The following RASA1 variants were observed in gnomAD, a reference collection of about 807,000 sequenced individuals.
The protein encoded by RASA1 is RAS p21 protein activator 1, also known as ras GTPase-activating protein 1.
Under a neutral mutation model 132.2 loss-of-function variants are expected in RASA1, and 25 were observed. The ratio of observed to expected loss-of-function variants is 0.19; its 90% confidence interval spans 0.14 to 0.26. RASA1 has a LOEUF of 0.26. Ranked by LOEUF, RASA1 falls within the 10% of genes least tolerant of loss-of-function variation. The pLI, the probability that RASA1 is intolerant of heterozygous loss-of-function variation, is 1.00. For synonymous variants in RASA1, 477 were observed against 449.9 expected (o/e 1.06, Z -0.76); for missense variants, 964 against 1,299.2 (o/e 0.74, Z 3.97).
At chr5:87,278,076 C>G (rs1337103690) in intron 1 of RASA1, among the ~76,000 whole-genome samples, 1 of 152,094 alleles carries the variant, frequency 6.6e-6, no homozygotes, top group African/African-American at 2.4e-5. Context: ...ATCTCCCTCA[C>G]CTCTTTTAAG....
At chr5:87,386,412 T>G (rs936735125) in intron 22 of RASA1, among the ~76,000 whole-genome samples, 1 of 152,208 alleles carries the variant, frequency 6.6e-6, no homozygotes, top group African/African-American at 2.4e-5. Context: ...GTCTTTATTA[T>G]ATTGTATTTT....
At chr5:87,375,715 T>C (rs1320778679) in intron 15 of RASA1, among the ~76,000 whole-genome samples, 1 of 152,156 alleles carries the variant, frequency 6.6e-6, no homozygotes, top group Non-Finnish European at 1.5e-5. Context: ...GCTAAAACAG[T>C]TGACAGTGAG....
chr5:87,286,984 A>G (rs889180391), intron 1 of RASA1, among the ~76,000 whole-genome samples: 3 of 149,030 alleles, frequency 2.0e-5, no homozygotes, highest in Non-Finnish European at 4.5e-5. Flanking sequence ...TATATACCAT[A>G]TATACACACC....
At chr5:87,287,454 T>C (rs1029786311) in intron 1 of RASA1, among the ~76,000 whole-genome samples, 3 of 144,364 alleles carry the variant, frequency 2.1e-5, no homozygotes, top group Non-Finnish European at 3.0e-5. Flanking sequence ...ACCATATATA[T>C]ACCATATATA....
At chr5:87,345,619 TAAAGA>T (rs1472013613) in intron 6 of RASA1, among the ~76,000 whole-genome samples, 1 of 152,162 alleles carries the variant, frequency 6.6e-6, no homozygotes, top group Non-Finnish European at 1.5e-5. Context: ...GGAATGGTGT[TAAAGA>T]AAAGTTTACC....
chr5:87,384,227 G>T (rs1240923083), intron 21 of RASA1, among the ~76,000 whole-genome samples: 1 of 152,030 alleles, frequency 6.6e-6, no homozygotes, highest in Non-Finnish European at 1.5e-5. Context: ...GGTTCCTCCC[G>T]TTAGAGATTT....
chr5:87,364,121 A>T (rs1052031182), intron 11 of RASA1, among the ~76,000 whole-genome samples: 9 of 152,092 alleles, frequency 5.9e-5, no homozygotes, highest in Non-Finnish European at 1.2e-4. Flanking sequence ...CAGTCTTTTT[A>T]GATGTACTTA....
chr5:87,291,601 T>G (rs2112268292), intron 1 of RASA1, among the ~76,000 whole-genome samples: 1 of 152,034 alleles, frequency 6.6e-6, no homozygotes, highest in Non-Finnish European at 1.5e-5. Flanking sequence ...GTGAGAGGGG[T>G]TTGGGTCATG....
chr5:87,384,271 A>G (rs751489257), intron 21 of RASA1, among the ~76,000 whole-genome samples: 1 of 152,150 alleles, frequency 6.6e-6, no homozygotes, highest in Non-Finnish European at 1.5e-5. Context: ...TAAATTGGCC[A>G]TTTTAAACTT....
intron 17 of RASA1, among the ~76,000 whole-genome samples, chr5:87,377,537 A>T (rs1372701799): frequency 6.6e-6 from 1 of 152,122 alleles, no homozygotes; most frequent in East Asian, 1.9e-4. Context: ...GGTTTTCACC[A>T]TGTTGGCCAG....
Position 87,328,767 on chromosome 5 carries a change from G to A in RASA1, c.540-2581G>A, listed in dbSNP as rs1348440957. ...TTTATATTTATATAAAAGATTGTGG[G>A]TTAAAAAATGGTTGAGAAATACTGT... On this transcript the variant is annotated intron_variant, in intron 1 of 24. Coordinates refer to ENST00000274376, the MANE Select transcript of RASA1 (RefSeq NM_002890.3). Among the ~76,000 whole-genome samples, 4 of 152,104 alleles carry A rather than the reference G, an allele frequency of 2.6e-5. No homozygotes were observed. In the East Asian group the frequency reaches 5.8e-4, roughly 22 times the overall value.
intron 2 of RASA1, among the ~76,000 whole-genome samples, chr5:87,332,035 A>G (rs937010493): frequency 6.6e-6 from 1 of 152,156 alleles, no homozygotes; most frequent in African/African-American, 2.4e-5. Context: ...TATAGTGTTA[A>G]ATGATAAAAT....
intron 1 of RASA1, among the ~76,000 whole-genome samples, chr5:87,309,746 A>T (rs144454519): frequency 5.3e-5 from 8 of 152,206 alleles, no homozygotes; most frequent in African/African-American, 1.9e-4. Flanking sequence ...AAAGATTATC[A>T]TATATCAGTA....
At chr5:87,389,582 A>T (rs1762329527) in intron 24 of RASA1, 55 bp downstream of exon 24, 1 of 1,594,922 alleles carries the variant, frequency 6.3e-7, no homozygotes, top group Admixed American at 1.7e-5. Flanking sequence ...ACACTTAGAG[A>T]GTTAATAAAT....
intron 1 of RASA1, among the ~76,000 whole-genome samples, chr5:87,323,526 T>C (rs1397634407): frequency 1.3e-5 from 2 of 152,202 alleles, no homozygotes; most frequent in Non-Finnish European, 2.9e-5. Context: ...CTTTGAGGCA[T>C]ATTTCAGTTT....
rs561872260 is a variant in RASA1, at chr5:87,320,953, G to C, written c.540-10395G>C. ...TTTCATGGTGGCTTTTGAATGCCAT[G>C]GTGAATAGTTTGTGCTTTATTTGTT... On this transcript the variant is annotated intron_variant, in intron 1 of 24. Coordinates refer to ENST00000274376, the MANE Select transcript of RASA1 (RefSeq NM_002890.3). 2.6e-5 allele frequency among the ~76,000 whole-genome samples: 4 copies of C among 152,284 alleles called. No individual in the cohort carries two copies. The East Asian group carries it at 7.7e-4, about 29-fold the overall frequency.
At chr5:87,306,691 AG>A (rs1201131937) in intron 1 of RASA1, among the ~76,000 whole-genome samples, 3 of 151,976 alleles carry the variant, frequency 2.0e-5, no homozygotes, top group Non-Finnish European at 4.4e-5. Flanking sequence ...CTTTTTTTTA[AG>A]AAAAAAAGAA....
intron 1 of RASA1, among the ~76,000 whole-genome samples, chr5:87,291,561 T>C (rs563904783): frequency 6.4e-4 from 98 of 152,208 alleles, no homozygotes; most frequent in African/African-American, 2.3e-3. Context: ...CATGTTGAAA[T>C]GTAATTCCTA....
At position 87,290,385 on chromosome 5, in the gene RASA1, A is replaced by G. The variant is rs530929895; in HGVS notation, c.539+21395A>G. ...AGAGCAGTTTTAGCTTTATGGCAAA[A>G]TTGAGGGGAAAGTAGAGTTCCCATA... On this transcript the variant is annotated intron_variant, in intron 1 of 24. Coordinates refer to ENST00000274376, the MANE Select transcript of RASA1 (RefSeq NM_002890.3). Among the ~76,000 whole-genome samples the G allele has an allele frequency of 2.0e-5, 3 of 152,326 alleles. No individual in the cohort carries two copies. In the South Asian group the frequency reaches 6.2e-4, roughly 32 times the overall value.
Sources: allele counts gnomAD v4.1 joint callset (sites outside exome capture counted in the v4.1 genomes callset), GRCh38; gene constraint gnomAD v4.1.1; transcripts MANE v1.5; gene names NCBI Gene and HGNC (gene_info 2026-07-23, HGNC 2026-07-21).